PPFIA1: variants seen among roughly 807,000 people sequenced by gnomAD.
PPFIA1 encodes the protein PPFI scaffold protein A1.
A neutral mutation model predicts 149.9 loss-of-function variants in PPFIA1; 25 were observed. The ratio of observed to expected loss-of-function variants is 0.17; its 90% confidence interval spans 0.12 to 0.23. The LOEUF (loss-of-function observed/expected upper bound fraction) is 0.23. Ranked by LOEUF, PPFIA1 falls within the 10% of genes least tolerant of loss-of-function variation. PPFIA1 has a pLI of 1.00. For synonymous variants in PPFIA1, 549 were observed against 552.8 expected (o/e 0.99, Z 0.10); for missense variants, 1,362 against 1,506.5 (o/e 0.90, Z 1.59).
intron 26 of PPFIA1, 130 bp downstream of exon 26, chr11:70,378,325 A>C: frequency 7.4e-7 from 1 of 1,352,404 alleles, no homozygotes; most frequent in Non-Finnish European, 9.5e-7. Flanking sequence ...TGCATGTCCA[A>C]ATATAAATGT....
At chr11:70,355,392 C>T (rs1207176447) in intron 17 of PPFIA1, among the ~76,000 whole-genome samples, 4 of 152,090 alleles carry the variant, frequency 2.6e-5, no homozygotes, top group Non-Finnish European at 5.9e-5. Flanking sequence ...GGCTTTGGCA[C>T]CTGATGGCGC....
chr11:70,333,710 C>T (rs1301015629), intron 10 of PPFIA1, among the ~76,000 whole-genome samples, 157 bp downstream of exon 10: 2 of 152,162 alleles, frequency 1.3e-5, no homozygotes, highest in East Asian at 1.9e-4. Context: ...ATCTGTGAGT[C>T]GCCTGCTAAT....
At chr11:70,298,307 A>G (rs567241517) in intron 2 of PPFIA1, among the ~76,000 whole-genome samples, 17 of 152,266 alleles carry the variant, frequency 1.1e-4, no homozygotes, top group Non-Finnish European at 2.2e-4. Context: ...AGGAGGCAGT[A>G]GTGGGTGGGT....
chr11:70,358,589 G>A (rs2056472289), intron 19 of PPFIA1: 1 of 152,222 alleles, frequency 6.6e-6, no homozygotes, highest in African/African-American at 2.4e-5. Flanking sequence ...TGTGAATACA[G>A]TTTAATATTT....
chr11:70,288,691 C>T (rs766068917), intron 2 of PPFIA1, among the ~76,000 whole-genome samples: 14 of 152,208 alleles, frequency 9.2e-5, no homozygotes, highest in South Asian at 2.1e-4. Context: ...ACTGAGGACA[C>T]TGCATATTAG....
At chr11:70,317,270 A>T (rs1465744271) in intron 2 of PPFIA1, among the ~76,000 whole-genome samples, 1 of 152,112 alleles carries the variant, frequency 6.6e-6, no homozygotes, top group African/African-American at 2.4e-5. Context: ...TTTTTCTGCA[A>T]TAATAATGCA....
intron 14 of PPFIA1, among the ~76,000 whole-genome samples, chr11:70,341,595 C>T (rs2055335088): frequency 6.6e-6 from 1 of 151,982 alleles, no homozygotes; most frequent in Admixed American, 6.5e-5. Context: ...AGTCTGGAAC[C>T]CAAGAGACAT....
rs770999735 is a variant in PPFIA1 at position 70,272,245 on chromosome 11, G to T, written c.73G>T (p.Gly25Cys). ...PPGGGGGHGS[G>C]SPSQPDADSH... ...TGGAGGAGGTGGAGGCCATGGTTCC[G>T]GCTCCCCTTCACAGCCAGATGCAGA... is the stretch of plus-strand genomic sequence containing the variant. Residue 25 changes from glycine to cysteine, a missense_variant, in exon 2 of 28, where the codon GGC becomes TGC. Gly to Cys is a radical substitution (Grantham distance 159). This residue lies in a region of PPFIA1 where 100 missense variants were observed against 106.2 expected (regional missense o/e 0.94). Transcript: ENST00000253925. The T allele has an allele frequency of 6.2e-7, 1 of 1,614,114 alleles. No individual in the cohort carries two copies. The highest frequency in any genetic ancestry group is 1.1e-5 in the South Asian group (1 of 91,076).
rs1463817181 is a variant in PPFIA1 at position 70,324,413 on chromosome 11, A to G, written c.276A>G (p.Ala92=). 6.2e-7 allele frequency: 1 copy of G among 1,607,680 alleles called. No homozygotes were observed. Among genetic ancestry groups the G allele is most frequent in the Non-Finnish European group, 8.5e-7 (1 of 1,176,948 alleles). ...LNTALPQEFA[A]LTKELNVCRE... is the part of the protein sequence containing the mutation. The stretch of plus-strand genomic sequence containing the variant: ...TTGTGATTTTCTAGGAGTTCGCAGC[A>G]CTTACTAAAGAACTCAATGTATGCA... Residue 92 remains alanine, a synonymous_variant, in exon 3 of 28, where the codon GCA becomes GCG. Transcript: ENST00000253925.
At chr11:70,287,034 G>A (rs755586898) in intron 2 of PPFIA1, among the ~76,000 whole-genome samples, 49 of 151,028 alleles carry the variant, frequency 3.2e-4, no homozygotes, top group Non-Finnish European at 5.9e-4. Context: ...TTATTATTTT[G>A]TAGAGCAGGG....
At chr11:70,342,032 C>T (rs577043300) in intron 14 of PPFIA1, 1 of 152,770 alleles carries the variant, frequency 6.5e-6, no homozygotes, top group South Asian at 2.1e-4. Flanking sequence ...GGAGGTGGCT[C>T]ACCAGGATCT....
chr11:70,320,755 T>C (rs957159191), intron 2 of PPFIA1, among the ~76,000 whole-genome samples: 1 of 152,154 alleles, frequency 6.6e-6, no homozygotes, highest in African/African-American at 2.4e-5. Context: ...TTTTTGGAGC[T>C]GGAGTTAGAT....
chr11:70,310,478 T>A (rs531498), intron 2 of PPFIA1, among the ~76,000 whole-genome samples: 16 of 151,070 alleles, frequency 1.1e-4, no homozygotes, highest in African/African-American at 3.9e-4. Context: ...CTCTGCCTCC[T>A]GGGTTCAAGC....
At chr11:70,325,127 T>C in intron 4 of PPFIA1, 116 bp downstream of exon 4, 8 of 1,040,262 alleles carry the variant, frequency 7.7e-6, no homozygotes, top group Non-Finnish European at 1.1e-5. Flanking sequence ...AAATAACTTC[T>C]CTAAGAAGAC....
Position 70,333,522 on chromosome 11 carries a change from A to G in PPFIA1, c.1265A>G (p.Gln422Arg). ...IEERLRQMEAQLEEKNQELQR... is the reference protein window; with the variant it reads ...IEERLRQMEARLEEKNQELQR... ...GAAAGGTTACGACAGATGGAAGCAC[A>G]GTTGGAGGAGAAGAATCAAGAACTG... Residue 422 changes from glutamine (Q) to arginine (R), a missense_variant, in exon 10 of 28, where the codon CAG (glutamine) becomes CGG (arginine). This residue lies in a region of PPFIA1 where 733 missense variants were observed against 744.1 expected (regional missense o/e 0.99). Coordinates refer to ENST00000253925, the MANE Select transcript of PPFIA1 (RefSeq NM_003626.5). 1 of 1,613,040 alleles carries G rather than the reference A, an allele frequency of 6.2e-7. No individual in the cohort carries two copies. The highest frequency in any genetic ancestry group is 8.5e-7 in the Non-Finnish European group (1 of 1,179,580).
chr11:70,353,562 C>T (rs1300519690), intron 16 of PPFIA1, among the ~76,000 whole-genome samples: 2 of 152,176 alleles, frequency 1.3e-5, no homozygotes, highest in Non-Finnish European at 2.9e-5. Flanking sequence ...CCATCCTGCT[C>T]CCTCAGCACA....
intron 2 of PPFIA1, among the ~76,000 whole-genome samples, chr11:70,286,675 G>T (rs2051148118): frequency 1.3e-5 from 2 of 151,966 alleles, no homozygotes; most frequent in African/African-American, 4.8e-5. Context: ...TGTCTTCACC[G>T]GGTTGACTCC....
chr11:70,367,494 T>C (rs1401006568), intron 21 of PPFIA1: 3 of 455,844 alleles, frequency 6.6e-6, no homozygotes, highest in African/African-American at 2.0e-5. Flanking sequence ...TAAGACTGGG[T>C]TGTACTTGTG....
Position 70,355,634 on chromosome 11 carries a change from C to G in PPFIA1, c.2316-5C>G, listed in dbSNP as rs200944487. ...ATAGTAAAGATCCGTTTTCTTTCCT[C>G]GAAGCTCCACAGGCTCCCAGGATGG... On this transcript the variant is annotated splice_region_variant and splice_polypyrimidine_tract_variant and intron_variant, in intron 17 of 27. Coordinates refer to ENST00000253925, the MANE Select transcript of PPFIA1 (RefSeq NM_003626.5). 1,712 of 1,590,808 alleles carry G rather than the reference C, an allele frequency of 1.1e-3. 2 individuals are homozygous for G. Among genetic ancestry groups the G allele is most frequent in the Non-Finnish European group, 1.4e-3 (1,608 of 1,172,784 alleles).
Sources: gnomAD v4.1 joint callset for allele counts (sites outside exome capture counted in the v4.1 genomes callset) on GRCh38, gnomAD v4.1.1 for gene constraint, gnomAD v4.1.1 regional missense constraint, MANE v1.5 for transcripts, NCBI Gene and HGNC (gene_info 2026-07-23, HGNC 2026-07-21) for gene names.